The following TTC21B variants were observed in gnomAD, a reference collection of about 807,000 sequenced individuals.
TTC21B encodes the protein tetratricopeptide repeat protein 21B.
TTC21B carries 127 observed loss-of-function variants against 175.1 expected under a neutral mutation model. The ratio of observed to expected loss-of-function variants is 0.73; its 90% CI spans 0.63 to 0.84. The LOEUF is 0.84. Ranked by LOEUF, TTC21B falls within the 40% of genes least tolerant of loss-of-function variation. The pLI, the probability that TTC21B is intolerant of heterozygous loss-of-function variation, is 0.00. For synonymous variants in TTC21B, 524 were observed against 524.5 expected, an observed-to-expected ratio of 1.00 and a Z score of 0.01; for missense variants, 1,561 against 1,558.3, an observed-to-expected ratio of 1.00 and a Z score of -0.03.
chr2:165,914,691 G>GTGTGTGTGTGTGTGTGTGTTTC (rs1245233255), intron 15 of TTC21B, among the ~76,000 whole-genome samples: 3 of 148,252 alleles, frequency 2.0e-5, no homozygotes, highest in African/African-American at 7.8e-5. Context: ...GTGTGTGTGT[G>GTGTGTGTGTGTGTGTGTGTTTC]TGTGTGTTGT....
intron 6 of TTC21B, among the ~76,000 whole-genome samples, chr2:165,935,436 A>G (rs10203040): frequency 0.31 from 46,933 of 152,132 alleles, 7,870 homozygotes; most frequent in Non-Finnish European, 0.39. Context: ...GTGCATACCA[A>G]TGCGGAGAGA....
chr2:165,875,036 T>C (rs1297569375), intron 28 of TTC21B, among the ~76,000 whole-genome samples: 1 of 151,970 alleles, frequency 6.6e-6, no homozygotes, highest in South Asian at 2.1e-4. Flanking sequence ...AACAATAGAA[T>C]GTAAATATCA....
intron 3 of TTC21B, chr2:165,948,673 T>G (rs1247632872): frequency 6.6e-6 from 1 of 152,254 alleles, no homozygotes; most frequent in Non-Finnish European, 1.5e-5. Flanking sequence ...CTCTTCTGCC[T>G]TCGCCATTAA....
intron 3 of TTC21B, among the ~76,000 whole-genome samples, chr2:165,946,555 T>C (rs541017016): frequency 1.3e-5 from 2 of 152,234 alleles, no homozygotes; most frequent in South Asian, 2.1e-4. Flanking sequence ...AAGCTGTATA[T>C]GGCCAGACAT....
At chr2:165,952,959 C>A (rs1271753955) in intron 1 of TTC21B, among the ~76,000 whole-genome samples, 1 of 152,184 alleles carries the variant, frequency 6.6e-6, no homozygotes, top group South Asian at 2.1e-4. Context: ...GGGTTTTTCC[C>A]CAGCATTAAT....
rs1559066279 is a variant in TTC21B, at chr2:165,929,290, GTTTA to G, written c.1227_1230del (p.Lys410AspfsTer9). ...AACAAATTAATAACTTCTTCTTGTC[GTTTA>G]TTTTTCTTCATGGCAAGAACTGCAT... is the stretch of plus-strand genomic sequence containing the variant. On this transcript the variant is annotated frameshift_variant, in exon 11 of 29. Transcript: ENST00000243344. LOFTEE classifies it high-confidence loss of function. 6.2e-7 allele frequency: 1 copy of G among 1,612,056 alleles called. No individual in the cohort carries two copies. The highest frequency in any genetic ancestry group is 1.7e-5 in the Admixed American group (1 of 59,834).
chr2:165,913,660 C>A lies in TTC21B; in HGVS notation c.2139-14G>T. 1 of 1,600,502 alleles carries A rather than the reference C, an allele frequency of 6.2e-7. No individual in the cohort carries two copies. Among genetic ancestry groups the A allele is most frequent in the Admixed American group, 1.7e-5 (1 of 59,954 alleles). ...TCAGCAATTTCTCTGGAAATCAGAC[C>A]AACATTACTTAGCATATTGAACACA... On this transcript the variant is annotated splice_polypyrimidine_tract_variant and intron_variant, in intron 15 of 28. Coordinates refer to ENST00000243344, the MANE Select transcript of TTC21B (RefSeq NM_024753.5).
At chr2:165,883,381 T>C (rs1297392697) in intron 26 of TTC21B, among the ~76,000 whole-genome samples, 2 of 152,168 alleles carry the variant, frequency 1.3e-5, no homozygotes, top group East Asian at 1.9e-4. Flanking sequence ...TTATGCATAA[T>C]AGATTCTAAT....
Position 165,929,345 on chromosome 2 carries a change from A to C in TTC21B, c.1186-10T>G, listed in dbSNP as rs1352577616. Reference sequence around the variant, plus strand: ...GTAAATAGATTAATTCCTAGAAAATAAGTAGTTTTCATAAATTATTCCATT... The same window carrying C: ...GTAAATAGATTAATTCCTAGAAAATCAGTAGTTTTCATAAATTATTCCATT... On this transcript the variant is annotated splice_polypyrimidine_tract_variant and intron_variant, in intron 10 of 28. Coordinates refer to ENST00000243344, the MANE Select transcript of TTC21B (RefSeq NM_024753.5). 9 of 1,591,190 alleles carry C rather than the reference A, an allele frequency of 5.7e-6. No individual in the cohort carries two copies. Among genetic ancestry groups the C allele is most frequent in the Non-Finnish European group, 7.7e-6 (9 of 1,162,014 alleles).
intron 12 of TTC21B, among the ~76,000 whole-genome samples, chr2:165,923,532 C>A (rs1456214554): frequency 6.6e-6 from 1 of 150,674 alleles, no homozygotes; most frequent in Non-Finnish European, 1.5e-5. Flanking sequence ...GCAAGCTCCA[C>A]CTCCCGGGTT....
intron 26 of TTC21B, among the ~76,000 whole-genome samples, chr2:165,881,949 A>G (rs544774849): frequency 1.3e-5 from 2 of 152,230 alleles, no homozygotes; most frequent in East Asian, 3.9e-4. Flanking sequence ...ATTACCAATT[A>G]CCCATTTTTT....
intron 3 of TTC21B, among the ~76,000 whole-genome samples, chr2:165,946,917 T>A (rs1411107913): frequency 3.3e-5 from 5 of 151,936 alleles, no homozygotes; most frequent in Non-Finnish European, 7.4e-5. Context: ...TAATATTTTT[T>A]AATAATAAGA....
intron 18 of TTC21B, among the ~76,000 whole-genome samples, chr2:165,908,919 C>T (rs62177810): frequency 0.33 from 50,327 of 151,884 alleles, 8,647 homozygotes; most frequent in Non-Finnish European, 0.39. Flanking sequence ...ACACTTCATA[C>T]AATAAATACA....
At chr2:165,881,673 G>A (rs1684840927) in intron 26 of TTC21B, among the ~76,000 whole-genome samples, 1 of 152,060 alleles carries the variant, frequency 6.6e-6, no homozygotes, top group African/African-American at 2.4e-5. Flanking sequence ...TGATTCTGGA[G>A]GAGAGAGGTG....
intron 6 of TTC21B, among the ~76,000 whole-genome samples, chr2:165,935,883 TC>T (rs1159522436): frequency 6.6e-6 from 1 of 152,152 alleles, no homozygotes; most frequent in African/African-American, 2.4e-5. Flanking sequence ...TGTTAGTTCT[TC>T]CCAATTTGAT....
intron 26 of TTC21B, among the ~76,000 whole-genome samples, chr2:165,881,005 A>T (rs1684819384): frequency 1.3e-5 from 2 of 152,218 alleles, no homozygotes; most frequent in Admixed American, 1.3e-4. Flanking sequence ...CTGCAGAATC[A>T]GGATTTTCTT....
intron 25 of TTC21B, among the ~76,000 whole-genome samples, chr2:165,886,434 G>A (rs760002219): frequency 6.6e-6 from 1 of 152,070 alleles, no homozygotes; most frequent in Admixed American, 6.5e-5. Flanking sequence ...TTCCCACTAT[G>A]CTTAGCACTC....
intron 1 of TTC21B, among the ~76,000 whole-genome samples, chr2:165,951,552 T>C (rs1016006566): frequency 3.3e-5 from 5 of 152,186 alleles, no homozygotes; most frequent in Admixed American, 1.3e-4. Flanking sequence ...CCCTTCCTAT[T>C]TGCCCAGTCT....
intron 25 of TTC21B, among the ~76,000 whole-genome samples, chr2:165,887,449 G>A (rs1358260648): frequency 2.6e-5 from 4 of 152,086 alleles, no homozygotes; most frequent in Non-Finnish European, 4.4e-5. Flanking sequence ...AAAGGTGGAG[G>A]AGGCCGAGAT....
Sources: allele counts gnomAD v4.1 joint callset (sites outside exome capture counted in the v4.1 genomes callset), GRCh38; gene constraint gnomAD v4.1.1; transcripts MANE v1.5; gene names NCBI Gene and HGNC (gene_info 2026-07-23, HGNC 2026-07-21).